The following RBMS3 variants were observed in gnomAD, a reference collection of about 807,000 sequenced individuals.
The protein encoded by RBMS3 is RNA-binding motif, single-stranded-interacting protein 3.
Under a neutral mutation model 66.8 loss-of-function variants are expected in RBMS3, and 27 were observed. The observed-to-expected ratio is 0.40, with a 90% confidence interval of 0.30 to 0.56. The LOEUF is 0.56. RBMS3 is among the 20% of genes least tolerant of loss of function. The probability of loss-of-function intolerance (pLI) is 0.40; values close to 1 mark genes in which losing one functional copy is unlikely to be tolerated. For synonymous variants in RBMS3, 188 were observed against 183.0 expected, an observed-to-expected ratio of 1.03 and a Z score of -0.22; for missense variants, 513 against 549.5, an observed-to-expected ratio of 0.93 and a Z score of 0.66.
At chr3:29,759,818 A>T (rs1022791834) in intron 5 of RBMS3, among the ~76,000 whole-genome samples, 3 of 152,074 alleles carry the variant, frequency 2.0e-5, no homozygotes, top group Non-Finnish European at 4.4e-5. Flanking sequence ...CTATATTGCC[A>T]TCTTTGCTGG....
chr3:29,776,643 C>A (rs1377967819), intron 6 of RBMS3, among the ~76,000 whole-genome samples: 1 of 151,964 alleles, frequency 6.6e-6, no homozygotes, highest in Non-Finnish European at 1.5e-5. Flanking sequence ...GTATTAGTAG[C>A]ATTATTAGTG....
chr3:29,842,827 G>A (rs887090614), intron 6 of RBMS3, among the ~76,000 whole-genome samples: 1 of 152,214 alleles, frequency 6.6e-6, no homozygotes, highest in African/African-American at 2.4e-5. Context: ...GGAAGGGGCT[G>A]CAAGCCAATG....
rs749839563 is a variant in RBMS3, at chr3:29,648,263, A to ATTTTTTTTTTTTTT, written c.399+61067_399+61080dup. On this transcript the variant is annotated intron_variant, in intron 4 of 14. Coordinates refer to ENST00000383767, the MANE Select transcript of RBMS3 (RefSeq NM_001003793.3). Reference sequence around the variant, plus strand: ...AACATAGGGAAAATAGAAAATGTCTATTTTTTTTTTTTTTTTTTTTTTGCG... The same window carrying ATTTTTTTTTTTTTT: ...AACATAGGGAAAATAGAAAATGTCTATTTTTTTTTTTTTTTTTTTTTTTTTTTTTTTTTTTTGCG... Among the ~76,000 whole-genome samples, 21 of 77,642 alleles carry ATTTTTTTTTTTTTT rather than the reference A, an allele frequency of 2.7e-4. 3 individuals carry two copies. The East Asian group carries it at 2.9e-3, about 11-fold the overall frequency. The allele number at this position is 77,642 out of a possible 152,430, so 50.9% of individuals were successfully genotyped here.
At chr3:29,721,467 T>C (rs2053641378) in intron 4 of RBMS3, among the ~76,000 whole-genome samples, 1 of 152,138 alleles carries the variant, frequency 6.6e-6, no homozygotes, top group Non-Finnish European at 1.5e-5. Flanking sequence ...GGTAATTCTT[T>C]GAGTAGGAGA....
At chr3:29,841,349 A>G (rs2058659230) in intron 6 of RBMS3, among the ~76,000 whole-genome samples, 1 of 152,052 alleles carries the variant, frequency 6.6e-6, no homozygotes, top group African/African-American at 2.4e-5. Context: ...TACACATTTC[A>G]TAGACTATGC....
At chr3:29,501,518 C>A (rs772860208) in intron 3 of RBMS3, among the ~76,000 whole-genome samples, 1 of 152,240 alleles carries the variant, frequency 6.6e-6, no homozygotes, top group African/African-American at 2.4e-5. Flanking sequence ...GTTGCAAGCC[C>A]GAGGTTAATT....
intron 6 of RBMS3, among the ~76,000 whole-genome samples, chr3:29,810,464 T>C (rs564228014): frequency 2.0e-5 from 3 of 152,296 alleles, no homozygotes; most frequent in South Asian, 4.1e-4. Flanking sequence ...CAAATGCACA[T>C]ATAAACACAC....
intron 6 of RBMS3, among the ~76,000 whole-genome samples, chr3:29,785,847 T>A (rs1000035090): frequency 6.6e-6 from 1 of 151,824 alleles, no homozygotes; most frequent in East Asian, 1.9e-4. Flanking sequence ...GCCAGAACAA[T>A]CAAACAAGAG....
intron 7 of RBMS3, among the ~76,000 whole-genome samples, chr3:29,878,745 A>G (rs1310354748): frequency 6.6e-6 from 1 of 152,172 alleles, no homozygotes; most frequent in Non-Finnish European, 1.5e-5. Flanking sequence ...TTATGGAAAT[A>G]GTATTACAAA....
chr3:29,310,957 C>A (rs1208575450), intron 1 of RBMS3, among the ~76,000 whole-genome samples: 1 of 151,614 alleles, frequency 6.6e-6, no homozygotes, highest in Non-Finnish European at 1.5e-5. Context: ...AACATAAAAC[C>A]TTTTAGTCTG....
At chr3:29,564,980 A>C (rs940886437) in intron 3 of RBMS3, among the ~76,000 whole-genome samples, 4 of 152,122 alleles carry the variant, frequency 2.6e-5, no homozygotes, top group African/African-American at 9.7e-5. Flanking sequence ...AGGCAGCAGG[A>C]GTTTCCTTTA....
intron 1 of RBMS3, among the ~76,000 whole-genome samples, chr3:29,399,311 G>T (rs2039698871): frequency 1.3e-5 from 2 of 152,070 alleles, no homozygotes; most frequent in South Asian, 2.1e-4. Flanking sequence ...TGGTGGCAAA[G>T]TTCCTGAATT....
At chr3:29,805,359 T>C (rs2057515231) in intron 6 of RBMS3, among the ~76,000 whole-genome samples, 1 of 152,108 alleles carries the variant, frequency 6.6e-6, no homozygotes, top group Admixed American at 6.6e-5. Context: ...GTTTATATAT[T>C]TTCTATACTA....
At chr3:29,621,694 A>G (rs1576376842) in intron 4 of RBMS3, among the ~76,000 whole-genome samples, 1 of 152,190 alleles carries the variant, frequency 6.6e-6, no homozygotes, top group Non-Finnish European at 1.5e-5. Flanking sequence ...TTTGGTTAAG[A>G]TTAAAGATGC....
chr3:29,660,745 G>T (rs1353044147), intron 4 of RBMS3, among the ~76,000 whole-genome samples: 1 of 152,174 alleles, frequency 6.6e-6, no homozygotes, highest in Non-Finnish European at 1.5e-5. Context: ...CTCAGGGCAT[G>T]TGTGGTCACT....
At chr3:29,373,517 C>A (rs1384995799) in intron 1 of RBMS3, among the ~76,000 whole-genome samples, 1 of 152,146 alleles carries the variant, frequency 6.6e-6, no homozygotes, top group Admixed American at 6.5e-5. Context: ...ACCCCTAGAC[C>A]TTGTGGGAAG....
rs539220917 is a variant in RBMS3, at chr3:29,403,511, A to G, written c.76-31232A>G. 3.2e-4 allele frequency among the ~76,000 whole-genome samples: 49 copies of G among 152,144 alleles called. No homozygotes were observed. The South Asian group carries it at 9.9e-3, about 31-fold the overall frequency. On this transcript the variant is annotated intron_variant, in intron 1 of 14. Coordinates refer to ENST00000383767, the MANE Select transcript of RBMS3 (RefSeq NM_001003793.3). ...GGGAAGATGAGCTGGGGAAAAGCCAATCTAGAACATGTAAGAACAGCACCT... is the reference window on the plus strand; with the variant it reads ...GGGAAGATGAGCTGGGGAAAAGCCAGTCTAGAACATGTAAGAACAGCACCT...
chr3:29,527,105 G>A (rs2045146479), intron 3 of RBMS3, among the ~76,000 whole-genome samples: 1 of 144,684 alleles, frequency 6.9e-6, no homozygotes, highest in African/African-American at 2.6e-5. Flanking sequence ...GCGTTCTCTT[G>A]GTGTCTACCA....
chr3:29,408,683 A>T lies in RBMS3; in HGVS notation c.76-26060A>T, dbSNP rs1335431910. Reference sequence around the variant, plus strand: ...CTAAATCATAAAATGAGTTTACAGCAGCAGACCCCAGCTTTTCTGAGAAGT... The same window carrying T: ...CTAAATCATAAAATGAGTTTACAGCTGCAGACCCCAGCTTTTCTGAGAAGT... On this transcript the variant is annotated intron_variant, in intron 1 of 14. Coordinates refer to ENST00000383767, the MANE Select transcript of RBMS3 (RefSeq NM_001003793.3). Among the ~76,000 whole-genome samples, 4 of 152,308 alleles carry T rather than the reference A, an allele frequency of 2.6e-5. No individual in the cohort carries two copies. The East Asian group carries it at 7.7e-4, about 29-fold the overall frequency.
Sources: allele counts gnomAD v4.1 joint callset (sites outside exome capture counted in the v4.1 genomes callset), GRCh38; gene constraint gnomAD v4.1.1; transcripts MANE v1.5; gene names NCBI Gene and HGNC (gene_info 2026-07-23, HGNC 2026-07-21).